PTPRN2: variants seen among roughly 807,000 people sequenced by gnomAD.
PTPRN2 encodes protein tyrosine phosphatase receptor type N2, also known as receptor-type tyrosine-protein phosphatase N2.
Under a neutral mutation model 118.8 loss-of-function variants are expected in PTPRN2, and 74 were observed. The observed-to-expected ratio is 0.62, with a 90% CI of 0.52 to 0.76. The LOEUF is 0.76. Ranked by LOEUF, PTPRN2 falls within the 30% of genes least tolerant of loss-of-function variation. The pLI is 0.00. For missense variants in PTPRN2, 1,481 were observed against 1,394.4 expected, an observed-to-expected ratio of 1.06 and a Z score of -0.99; for synonymous variants, 641 against 608.0, an observed-to-expected ratio of 1.05 and a Z score of -0.80.
intron 11 of PTPRN2, among the ~76,000 whole-genome samples, chr7:158,017,908 G>A (rs1185657848): frequency 1.3e-5 from 2 of 152,088 alleles, no homozygotes; most frequent in East Asian, 1.9e-4. Context: ...AGTCAGCCCC[G>A]GGAGTTCCAA....
At chr7:157,771,800 C>G (rs1177041037) in intron 12 of PTPRN2, among the ~76,000 whole-genome samples, 5 of 148,600 alleles carry the variant, frequency 3.4e-5, no homozygotes, top group African/African-American at 1.3e-4. Flanking sequence ...CAGACACAGA[C>G]ACAAACACAC....
At chr7:158,183,088 T>C (rs925816579) in intron 5 of PTPRN2, among the ~76,000 whole-genome samples, 1 of 152,244 alleles carries the variant, frequency 6.6e-6, no homozygotes, top group Non-Finnish European at 1.5e-5. Context: ...AAAGTCTGTT[T>C]TATCTGATAT....
intron 6 of PTPRN2, among the ~76,000 whole-genome samples, chr7:158,146,383 T>A (rs1336670504): frequency 1.3e-5 from 2 of 152,142 alleles, no homozygotes; most frequent in Admixed American, 6.5e-5. Flanking sequence ...CACCAACCTG[T>A]ATTGGGCATC....
chr7:157,963,347 G>A (rs1801678081), intron 11 of PTPRN2, among the ~76,000 whole-genome samples: 1 of 152,248 alleles, frequency 6.6e-6, no homozygotes, highest in East Asian at 1.9e-4. Context: ...GGAACTAATG[G>A]CAGAAACAAG....
At chr7:157,762,429 T>A (rs985573252) in intron 12 of PTPRN2, among the ~76,000 whole-genome samples, 31 of 151,952 alleles carry the variant, frequency 2.0e-4, no homozygotes, top group South Asian at 1.9e-3. Context: ...AAATGATGAG[T>A]TCATGTCCTT....
intron 11 of PTPRN2, among the ~76,000 whole-genome samples, chr7:157,925,094 ACG>A: frequency 1.9e-5 from 2 of 103,018 alleles, no homozygotes; most frequent in African/African-American, 8.8e-5. Flanking sequence ...TGCATTTAGC[ACG>A]TCAAGCAAAT....
chr7:157,970,636 A>ACCCC lies in PTPRN2; in HGVS notation c.1724-71903_1724-71900dup, dbSNP rs10624378. Among the ~76,000 whole-genome samples, 19 of 111,544 alleles carry ACCCC rather than the reference A, an allele frequency of 1.7e-4. 2 individuals carry two copies. Among genetic ancestry groups the ACCCC allele is most frequent in the East Asian group, 1.5e-3 (5 of 3,246 alleles). The allele number at this position is 111,544 out of a possible 152,430, so 73.2% of individuals were successfully genotyped here. On this transcript the variant is annotated intron_variant, in intron 11 of 22. Coordinates refer to ENST00000389418, the MANE Select transcript of PTPRN2 (RefSeq NM_002847.5). ...TGCTTCATTGTCACGCTCAGAGCGG[A>ACCCC]CCCCCCCCCCCACAGGTTGCCCACC...
At chr7:157,911,263 G>A (rs58459772) in intron 11 of PTPRN2, among the ~76,000 whole-genome samples, 14,082 of 152,144 alleles carry the variant, frequency 0.093, 2,106 homozygotes, top group African/African-American at 0.31. Flanking sequence ...CTTGCAATGC[G>A]GTGATCTCCA....
chr7:158,558,107 C>T (rs1366417804), intron 1 of PTPRN2, among the ~76,000 whole-genome samples: 1 of 152,108 alleles, frequency 6.6e-6, no homozygotes, highest in Non-Finnish European at 1.5e-5. Context: ...GCCTCAGCCT[C>T]CCAAGGAGCT....
chr7:158,244,143 C>T (rs766801243), intron 3 of PTPRN2, among the ~76,000 whole-genome samples: 1 of 152,202 alleles, frequency 6.6e-6, no homozygotes, highest in African/African-American at 2.4e-5. Flanking sequence ...GAACAAGCTG[C>T]CTCCTTCCCC....
intron 11 of PTPRN2, among the ~76,000 whole-genome samples, chr7:157,909,873 G>A (rs1405450654): frequency 6.6e-6 from 1 of 152,224 alleles, no homozygotes; most frequent in East Asian, 1.9e-4. Context: ...GGACCTCAAC[G>A]ATTATCTGTT....
intron 11 of PTPRN2, among the ~76,000 whole-genome samples, chr7:158,033,273 G>A (rs1197468730): frequency 1.3e-5 from 2 of 152,210 alleles, no homozygotes; most frequent in Non-Finnish European, 2.9e-5. Context: ...TACCTGGGCA[G>A]TGGAGGAGGA....
At chr7:158,095,196 G>C (rs1359466233) in intron 10 of PTPRN2, among the ~76,000 whole-genome samples, 1 of 151,552 alleles carries the variant, frequency 6.6e-6, no homozygotes, top group Admixed American at 6.6e-5. Flanking sequence ...TGACTGGAGA[G>C]ACACATTCGG....
chr7:157,737,712 G>A (rs1466362258), intron 12 of PTPRN2, among the ~76,000 whole-genome samples: 1 of 152,228 alleles, frequency 6.6e-6, no homozygotes, highest in Non-Finnish European at 1.5e-5. Flanking sequence ...ACAGAGGAAG[G>A]GCCCTGGTCC....
chr7:157,799,673 CT>C lies in PTPRN2; in HGVS notation c.1788+98999del, dbSNP rs1397500621. Reference sequence around the variant, plus strand: ...AAGTCACAATTTAAGTCACATCCCTCTCCCTCTGGAAATGTCTGCTGGCTTT... The same window carrying C: ...AAGTCACAATTTAAGTCACATCCCTCCCCTCTGGAAATGTCTGCTGGCTTT... On this transcript the variant is annotated intron_variant, in intron 12 of 22. Coordinates refer to ENST00000389418, the MANE Select transcript of PTPRN2 (RefSeq NM_002847.5). Among the ~76,000 whole-genome samples, 5 of 152,248 alleles carry C rather than the reference CT, an allele frequency of 3.3e-5. No individual in the cohort carries two copies. In the East Asian group the frequency reaches 7.7e-4, roughly 24 times the overall value.
In PTPRN2 at chr7:158,015,063, T is replaced by C. The variant is rs1373007270; in HGVS notation, c.1723+66235A>G. Among the ~76,000 whole-genome samples the C allele has an allele frequency of 6.6e-6, 1 of 152,232 alleles. No homozygotes were observed. Among genetic ancestry groups the C allele is most frequent in the Non-Finnish European group, 1.5e-5 (1 of 68,036 alleles). On this transcript the variant is annotated intron_variant, in intron 11 of 22. Transcript: ENST00000389418. This position sits in a 1 kb window ranked among gnomAD's most constrained non-coding sequence, Gnocchi z 4.2. Reference sequence around the variant, plus strand: ...ATTTGTCTCTCTTTTTCTTCCCTTGTATCTTGCAAATCCCTCAGATAAAAG... The same window carrying C: ...ATTTGTCTCTCTTTTTCTTCCCTTGCATCTTGCAAATCCCTCAGATAAAAG...
intron 15 of PTPRN2, among the ~76,000 whole-genome samples, chr7:157,608,907 T>A (rs1209977201): frequency 6.6e-6 from 1 of 152,086 alleles, no homozygotes; most frequent in East Asian, 1.9e-4. Flanking sequence ...TAAGAACGGG[T>A]GTGCTCTATC....
chr7:158,344,580 C>T (rs1284963397), intron 2 of PTPRN2, among the ~76,000 whole-genome samples: 5 of 152,156 alleles, frequency 3.3e-5, no homozygotes, highest in South Asian at 4.1e-4. Flanking sequence ...TCGCATAAAA[C>T]GTGGAAAACC....
In PTPRN2 at chr7:158,367,502, G is replaced by A. The variant is rs139165039; in HGVS notation, c.164-50570C>T. Among the ~76,000 whole-genome samples, 1,069 of 152,324 alleles carry A rather than the reference G, an allele frequency of 7.0e-3. 4 individuals are homozygous for A. Among genetic ancestry groups the A allele is most frequent in the South Asian group, 0.013 (64 of 4,832 alleles). On this transcript the variant is annotated intron_variant, in intron 2 of 22. Coordinates refer to ENST00000389418, the MANE Select transcript of PTPRN2 (RefSeq NM_002847.5). ...ATGGAGGCACCAACTGGGAGGCTGG[G>A]CGGTGGCACTCACACTGTGCTGGAG...
Sources: allele counts gnomAD v4.1 joint callset (sites outside exome capture counted in the v4.1 genomes callset), GRCh38; gene constraint gnomAD v4.1.1; non-coding constraint Gnocchi (gnomAD v3.1); transcripts MANE v1.5; gene names NCBI Gene and HGNC (gene_info 2026-07-23, HGNC 2026-07-21).